Variants in ATAD2 observed in about 807,000 individuals in gnomAD.
ATAD2 encodes ATPase family AAA domain-containing protein 2.
In ATAD2, 62 loss-of-function variants were observed where a neutral mutation model predicts 168.9. The ratio of observed to expected loss-of-function variants is 0.37; its 90% CI spans 0.30 to 0.45. The LOEUF (loss-of-function observed/expected upper bound fraction) is 0.45, where lower values mean the gene tolerates loss of function less well. ATAD2 is among the 20% of genes least tolerant of loss of function. The probability of loss-of-function intolerance (pLI) is 1.00; values close to 1 mark genes in which losing one functional copy is unlikely to be tolerated. For missense variants in ATAD2, 1,419 were observed against 1,667.8 expected (o/e 0.85, Z 2.60); for synonymous variants, 613 against 571.6 (o/e 1.07, Z -1.03).
chr8:123,328,798 ATT>A (rs35015706), intron 24 of ATAD2, among the ~76,000 whole-genome samples: 5 of 126,912 alleles, frequency 3.9e-5, no homozygotes, highest in African/African-American at 9.1e-5. Flanking sequence ...TTATCTTGAA[ATT>A]TTTTTTTTTT....
At chr8:123,398,226 C>CTTTTTTTTTT (rs1188897965), upstream of ATAD2, among the ~76,000 whole-genome samples, 3 of 101,806 alleles carry the variant, frequency 2.9e-5, no homozygotes, top group African/African-American at 8.5e-5. Flanking sequence ...GGTTCTTGTT[C>CTTTTTTTTTT]TTTTTTTTTT....
intron 8 of ATAD2, among the ~76,000 whole-genome samples, chr8:123,362,926 G>GA (rs1039602074): frequency 9.2e-5 from 14 of 151,856 alleles, no homozygotes; most frequent in Non-Finnish European, 4.4e-5. Context: ...TCACAAAAAA[G>GA]AAAAAAATAC....
upstream of ATAD2, among the ~76,000 whole-genome samples, chr8:123,397,239 T>TGAAAA (rs1563869628): frequency 7.5e-5 from 6 of 79,626 alleles, no homozygotes; most frequent in Admixed American, 1.3e-4. Context: ...AGACTCTGTC[T>TGAAAA]CAAAAAAAAA....
upstream of ATAD2, among the ~76,000 whole-genome samples, chr8:123,396,910 G>A (rs772109043): frequency 3.3e-5 from 5 of 151,776 alleles, no homozygotes; most frequent in Non-Finnish European, 5.9e-5. Flanking sequence ...CCTTTGACAG[G>A]TTTTGACTTT....
At chr8:123,409,263 T>G (rs992320304) in intron 1 of ATAD2, among the ~76,000 whole-genome samples, 1 of 152,150 alleles carries the variant, frequency 6.6e-6, no homozygotes, top group Admixed American at 6.6e-5. Flanking sequence ...TGGACCTGCT[T>G]CCCACCCCAA....
At chr8:123,371,080 A>G in intron 5 of ATAD2, 90 bp from the exon 6 acceptor site, 1 of 1,172,422 alleles carries the variant, frequency 8.5e-7, no homozygotes, top group Non-Finnish European at 1.2e-6. Context: ...TAAAATTAAG[A>G]TATTTACAGC....
chr8:123,406,294 T>C (rs1258399465), intron 1 of ATAD2, among the ~76,000 whole-genome samples: 1 of 148,726 alleles, frequency 6.7e-6, no homozygotes, highest in African/African-American at 2.5e-5. Context: ...GGAGAATTGT[T>C]TGAAACTGGG....
At chr8:123,364,843 G>A (rs1263994329) in intron 8 of ATAD2, among the ~76,000 whole-genome samples, 5 of 152,126 alleles carry the variant, frequency 3.3e-5, no homozygotes, top group Admixed American at 1.3e-4. Context: ...AAGGTTAAAA[G>A]CATTCCCTCT....
At chr8:123,329,978 C>CTTTTT (rs1827730410) in intron 24 of ATAD2, among the ~76,000 whole-genome samples, 4 of 93,348 alleles carry the variant, frequency 4.3e-5, no homozygotes, top group African/African-American at 1.7e-4. Flanking sequence ...TCCCCAGTGG[C>CTTTTT]TTCTTTTTTT....
intron 7 of ATAD2, 147 bp downstream of exon 7, chr8:123,369,674 A>G: frequency 1.5e-6 from 1 of 670,480 alleles, no homozygotes; most frequent in Non-Finnish European, 2.4e-6. Flanking sequence ...TTTGTTACAA[A>G]CTTAGGATAG....
chr8:123,393,862 A>G (rs1288505937), intron 1 of ATAD2, among the ~76,000 whole-genome samples: 13 of 152,074 alleles, frequency 8.5e-5, no homozygotes, highest in Admixed American at 8.5e-4. Context: ...AACTGCAGCA[A>G]GCCGAGATCA....
At chr8:123,377,114 A>G in intron 2 of ATAD2, among the ~76,000 whole-genome samples, 1 of 144,376 alleles carries the variant, frequency 6.9e-6, no homozygotes, top group Non-Finnish European at 1.5e-5. Flanking sequence ...AAAAAAAAAG[A>G]GCCAGGTGTG....
chr8:123,360,300 C>T (rs1828775673), intron 9 of ATAD2, among the ~76,000 whole-genome samples: 1 of 152,138 alleles, frequency 6.6e-6, no homozygotes, highest in Admixed American at 6.6e-5. Flanking sequence ...CAAGATCAAT[C>T]CTCTCAAGCA....
In ATAD2 at chr8:123,348,225, G is replaced by T; in HGVS notation, c.1855C>A (p.Pro619Thr). The change falls in exon 15 of 28, where the codon CCA becomes ACA. Residue 619 changes from proline (P) to threonine (T), a missense_variant. Physicochemically the swap from Pro to Thr is conservative, Grantham distance 38 (BLOSUM62 -1). Around this residue, in one of 5 missense-constraint regions of ATAD2, gnomAD observed 545 missense variants for 724.9 expected, o/e 0.75. Transcript: ENST00000287394. Reference protein sequence around the residue: ...KIHTRDWNPKPLDTFLEELAE... With the variant: ...KIHTRDWNPKTLDTFLEELAE... The stretch of plus-strand genomic sequence containing the variant: ...AGCTCTTCTAAAAATGTGTCCAGTG[G>T]TTTGGGATTCCAATCCCTGGTGTGA... The T allele has an allele frequency of 6.2e-7, 1 of 1,602,502 alleles. No homozygotes were observed. Among genetic ancestry groups the T allele is most frequent in the Non-Finnish European group, 8.5e-7 (1 of 1,177,062 alleles).
chr8:123,358,251 G>GCTCA, intron 11 of ATAD2, among the ~76,000 whole-genome samples: 1 of 152,260 alleles, frequency 6.6e-6, no homozygotes, highest in African/African-American at 2.4e-5. Context: ...CATGATCATA[G>GCTCA]CTCACTACAA....
chr8:123,381,704 T>G (rs1274572213), intron 1 of ATAD2, among the ~76,000 whole-genome samples: 1 of 152,042 alleles, frequency 6.6e-6, no homozygotes, highest in Non-Finnish European at 1.5e-5. Context: ...ATTTTCACAT[T>G]AGAAGTCAAA....
chr8:123,413,157 C>G (rs1404028775), intron 1 of ATAD2, among the ~76,000 whole-genome samples: 5 of 151,706 alleles, frequency 3.3e-5, no homozygotes, highest in South Asian at 2.1e-4. Context: ...CTAGCAGACA[C>G]GACTGGCCTA....
chr8:123,383,701 A>T (rs1238977002), intron 1 of ATAD2, among the ~76,000 whole-genome samples: 2 of 151,680 alleles, frequency 1.3e-5, no homozygotes, highest in African/African-American at 4.8e-5. Flanking sequence ...AGAACCCAGG[A>T]GGCGGAGGTT....
chr8:123,398,450 C>T (rs1312739103), upstream of ATAD2, among the ~76,000 whole-genome samples: 1 of 151,946 alleles, frequency 6.6e-6, no homozygotes, highest in African/African-American at 2.4e-5. Context: ...AGGCTGGTCT[C>T]GAACTACTGA....
Sources: allele counts gnomAD v4.1 joint callset (sites outside exome capture counted in the v4.1 genomes callset), GRCh38; gene constraint gnomAD v4.1.1; regional missense constraint gnomAD v4.1.1; transcripts MANE v1.5; gene names NCBI Gene and HGNC (gene_info 2026-07-23, HGNC 2026-07-21).